Variants in UCK2 observed in about 807,000 individuals in gnomAD.
The protein encoded by UCK2 is cytidine monophosphokinase 2.
A neutral mutation model predicts 30.8 loss-of-function variants in UCK2; 6 were observed. The observed-to-expected ratio is 0.19, with a 90% CI of 0.11 to 0.38. The LOEUF is 0.38. UCK2 is among the 10% of genes least tolerant of loss of function. The pLI is 1.00. For synonymous variants in UCK2, 125 were observed against 133.6 expected (o/e 0.94, Z 0.45); for missense variants, 210 against 339.8 (o/e 0.62, Z 3.00).
chr1:165,868,227 A>G (rs1655095935), intron 1 of UCK2, among the ~76,000 whole-genome samples: 1 of 152,212 alleles, frequency 6.6e-6, no homozygotes, highest in Admixed American at 6.5e-5. Flanking sequence ...TTGTTGTTCC[A>G]TTTACAGAGC....
chr1:165,880,567 G>T (rs202226003), intron 1 of UCK2, among the ~76,000 whole-genome samples: 8 of 4,330 alleles, frequency 1.8e-3, no homozygotes, highest in Middle Eastern at 0.083. Flanking sequence ...TTTTTTGGGG[G>T]TGTGTGTGTG....
At chr1:165,882,399 C>T (rs1414156203) in intron 1 of UCK2, among the ~76,000 whole-genome samples, 2 of 152,220 alleles carry the variant, frequency 1.3e-5, no homozygotes, top group East Asian at 3.8e-4. Context: ...ATTAGTATCA[C>T]TTCTGTTGAA....
chr1:165,899,830 G>T (rs1647393467), intron 4 of UCK2, among the ~76,000 whole-genome samples: 1 of 152,154 alleles, frequency 6.6e-6, no homozygotes, highest in Admixed American at 6.5e-5. Flanking sequence ...GAACTGGCTG[G>T]CCCTCTGTTG....
rs113750943 is a variant in UCK2, at chr1:165,869,794, T to C, written c.100-20410T>C. Among the ~76,000 whole-genome samples the C allele has an allele frequency of 3.5e-3, 538 of 151,698 alleles. 5 individuals are homozygous for C. The highest frequency in any genetic ancestry group is 0.012 in the African/African-American group (498 of 41,342). On this transcript the variant is annotated intron_variant, in intron 1 of 6. Transcript: ENST00000367879. The stretch of plus-strand genomic sequence containing the variant: ...CTTCAGCCTTCCAAAGTGCTGGGAT[T>C]ATAGGCGTGAGCCACCACCAGCTAA...
chr1:165,886,513 T>C (rs1315345453), intron 1 of UCK2, among the ~76,000 whole-genome samples: 3 of 152,188 alleles, frequency 2.0e-5, no homozygotes, highest in Non-Finnish European at 4.4e-5. Flanking sequence ...CACCCTGGGC[T>C]TGAACTCCTG....
intron 1 of UCK2, among the ~76,000 whole-genome samples, chr1:165,829,746 G>A (rs1653995938): frequency 6.6e-6 from 1 of 152,202 alleles, no homozygotes; most frequent in South Asian, 2.1e-4. Flanking sequence ...GAGCCAATGT[G>A]GGAGTAGCTA....
intron 1 of UCK2, among the ~76,000 whole-genome samples, chr1:165,859,945 C>CA (rs773059411): frequency 5.3e-5 from 8 of 152,216 alleles, no homozygotes; most frequent in African/African-American, 9.6e-5. Flanking sequence ...CCTCCCGTTC[C>CA]ACTGCAATAA....
At chr1:165,882,358 G>A (rs550404414) in intron 1 of UCK2, among the ~76,000 whole-genome samples, 2 of 152,288 alleles carry the variant, frequency 1.3e-5, no homozygotes, top group South Asian at 4.1e-4. Flanking sequence ...ATATACTAAG[G>A]TGTGCTGGTT....
chr1:165,898,693 A>T (rs1222354700), intron 4 of UCK2, among the ~76,000 whole-genome samples: 5 of 152,234 alleles, frequency 3.3e-5, no homozygotes, highest in African/African-American at 1.2e-4. Flanking sequence ...CCTAGTGTCT[A>T]ATTCAAACAG....
chr1:165,902,427 A>T (rs1010072882), intron 4 of UCK2, among the ~76,000 whole-genome samples: 18 of 150,378 alleles, frequency 1.2e-4, no homozygotes, highest in South Asian at 4.2e-4. Context: ...AGAAAAAAAA[A>T]TTTTTTAAAG....
At chr1:165,834,472 A>G (rs980755717) in intron 1 of UCK2, among the ~76,000 whole-genome samples, 12 of 152,180 alleles carry the variant, frequency 7.9e-5, no homozygotes, top group Non-Finnish European at 2.9e-5. Context: ...ATCAGAAAAA[A>G]CAAAAAAAGT....
At chr1:165,863,028 A>T (rs1242401153) in intron 1 of UCK2, among the ~76,000 whole-genome samples, 1 of 152,236 alleles carries the variant, frequency 6.6e-6, no homozygotes, top group Non-Finnish European at 1.5e-5. Context: ...CAGATGGGGA[A>T]CATAGGAAAC....
intron 1 of UCK2, among the ~76,000 whole-genome samples, chr1:165,884,360 G>C (rs1183345794): frequency 6.6e-6 from 1 of 152,248 alleles, no homozygotes; most frequent in East Asian, 1.9e-4. Flanking sequence ...TTCTGAAGCA[G>C]CTCATTCGGA....
chr1:165,885,150 T>G, intron 1 of UCK2: 4 of 372,218 alleles, frequency 1.1e-5, no homozygotes, highest in Non-Finnish European at 1.4e-5. Context: ...AGAGGTAAAG[T>G]ACATTTATGG....
At chr1:165,883,208 G>A (rs1429967814) in intron 1 of UCK2, among the ~76,000 whole-genome samples, 2 of 152,194 alleles carry the variant, frequency 1.3e-5, no homozygotes, top group Non-Finnish European at 2.9e-5. Flanking sequence ...GTGCTGCAAG[G>A]TGGCTGCTTG....
intron 1 of UCK2, among the ~76,000 whole-genome samples, chr1:165,869,856 G>T (rs1460884933): frequency 6.6e-6 from 1 of 151,830 alleles, no homozygotes; most frequent in Non-Finnish European, 1.5e-5. Flanking sequence ...TTGCAGTGTT[G>T]CCCAGGCTAT....
intron 6 of UCK2, among the ~76,000 whole-genome samples, chr1:165,906,288 C>T (rs757219958): frequency 6.6e-6 from 1 of 152,234 alleles, no homozygotes; most frequent in Non-Finnish European, 1.5e-5. Flanking sequence ...TTAGCAAAAG[C>T]AGATTCCCTC....
chr1:165,846,595 C>T (rs540897683), intron 1 of UCK2, among the ~76,000 whole-genome samples: 15 of 152,156 alleles, frequency 9.9e-5, no homozygotes, highest in Non-Finnish European at 2.1e-4. Flanking sequence ...GAAGGGCTAT[C>T]TATCTTCTGA....
chr1:165,873,690 T>G (rs1463014913), intron 1 of UCK2, among the ~76,000 whole-genome samples: 2 of 152,202 alleles, frequency 1.3e-5, no homozygotes, highest in Non-Finnish European at 2.9e-5. Context: ...AAAAACTTGC[T>G]CTTTCCTGAT....
Sources: gnomAD v4.1 joint callset for allele counts (sites outside exome capture counted in the v4.1 genomes callset) on GRCh38, gnomAD v4.1.1 for gene constraint, MANE v1.5 for transcripts, NCBI Gene and HGNC (gene_info 2026-07-23, HGNC 2026-07-21) for gene names.